Variants in STRIP2 observed in about 807,000 individuals in gnomAD.
STRIP2 encodes the protein striatin interacting protein 2, also known as striatin-interacting protein 2.
Under a neutral mutation model 107.1 loss-of-function variants are expected in STRIP2, and 84 were observed. The ratio of observed to expected loss-of-function variants is 0.78; its 90% CI spans 0.66 to 0.94. The LOEUF is 0.94. Among genes scored for constraint, STRIP2 ranks in the 40% least tolerant of loss-of-function variants. STRIP2 has a pLI of 0.00. For synonymous variants in STRIP2, 394 were observed against 400.4 expected (o/e 0.98, Z 0.19); for missense variants, 888 against 1,034.2 (o/e 0.86, Z 1.94).
rs1353159384 is a variant in STRIP2 at position 129,458,167 on chromosome 7, C to T, written c.1039-48C>T. 11 of 1,478,410 alleles carry T rather than the reference C, an allele frequency of 7.4e-6. No homozygotes were observed. Among genetic ancestry groups the T allele is most frequent in the African/African-American group, 1.4e-5 (1 of 72,260 alleles). The allele number at this position is 1,478,410 out of a possible 1,614,324, so 91.6% of individuals were successfully genotyped here. A position where few individuals can be genotyped will look rare whatever the true frequency, so the allele number is the denominator to read the frequency against. On this transcript the variant is annotated intron_variant, in intron 9 of 20. Coordinates refer to ENST00000249344, the MANE Select transcript of STRIP2 (RefSeq NM_020704.3). The surrounding 1 kb of genome is among the most constrained non-coding windows in gnomAD (Gnocchi z 4.6). ...TATGGGGTGGCCTCAGACAAGGATG[C>T]CCAGAGTGAGATCTCTGCATGCCTA...
intron 9 of STRIP2, among the ~76,000 whole-genome samples, chr7:129,457,262 A>G (rs1003813850): frequency 1.3e-5 from 2 of 152,250 alleles, no homozygotes; most frequent in Non-Finnish European, 2.9e-5. Context: ...ACACCTAGGC[A>G]TATAGCCTAT....
intron 18 of STRIP2, among the ~76,000 whole-genome samples, chr7:129,476,971 G>A (rs958128110): frequency 2.6e-5 from 4 of 151,402 alleles, no homozygotes; most frequent in Non-Finnish European, 4.4e-5. Flanking sequence ...TTAGGAGCTG[G>A]AGACCAGCCC....
Position 129,467,349 on chromosome 7 carries a change from G to T in STRIP2, c.1777-1G>T. ...CCTTTCTGCTTTGATTTTTAATTCA[G>T]TTTGAATATGTATCGCAACATTTGG... On this transcript the variant is annotated splice_acceptor_variant, in intron 16 of 20. Coordinates refer to ENST00000249344, the MANE Select transcript of STRIP2 (RefSeq NM_020704.3). LOFTEE classifies it high-confidence loss of function. The T allele has an allele frequency of 6.2e-7, 1 of 1,611,072 alleles. No homozygotes were observed. The highest frequency in any genetic ancestry group is 8.5e-7 in the Non-Finnish European group (1 of 1,177,722).
chr7:129,463,287 C>A (rs1432605030), intron 14 of STRIP2, among the ~76,000 whole-genome samples: 2 of 152,122 alleles, frequency 1.3e-5, no homozygotes, highest in Non-Finnish European at 2.9e-5. Context: ...ACACTGGGGA[C>A]CCTCCTCCGA....
rs185354943 is a variant in STRIP2 at position 129,451,370 on chromosome 7, G to A, written c.275-243G>A. ...TCCTTGAGGAAAGGCAGAAAGACAG[G>A]ACAGTATGGGCTGTGTGTGGAGGAC... On this transcript the variant is annotated intron_variant, in intron 3 of 20. Transcript: ENST00000249344. Among the ~76,000 whole-genome samples the A allele has an allele frequency of 6.9e-4, 105 of 152,334 alleles. 1 individual carries two copies. Among genetic ancestry groups the A allele is most frequent in the African/African-American group, 2.5e-3 (102 of 41,582 alleles).
chr7:129,481,025 A>G, intron 19 of STRIP2, 136 bp downstream of exon 19: 6 of 622,034 alleles, frequency 9.6e-6, no homozygotes, highest in African/African-American at 1.9e-5. Context: ...TTAGCACCTC[A>G]TAATTCTGGG....
intron 5 of STRIP2, among the ~76,000 whole-genome samples, chr7:129,453,783 A>G (rs910510490): frequency 6.6e-6 from 1 of 152,212 alleles, no homozygotes; most frequent in Non-Finnish European, 1.5e-5. Flanking sequence ...TGCTACCACT[A>G]CAGTGACCCC....
intron 1 of STRIP2, among the ~76,000 whole-genome samples, chr7:129,437,576 T>C (rs1797776442): frequency 6.6e-6 from 1 of 152,176 alleles, no homozygotes; most frequent in African/African-American, 2.4e-5. Context: ...GTATCATTTT[T>C]CCAAAAAGTT....
At chr7:129,475,005 T>G (rs1443885863) in intron 18 of STRIP2, among the ~76,000 whole-genome samples, 1 of 152,206 alleles carries the variant, frequency 6.6e-6, no homozygotes, top group Non-Finnish European at 1.5e-5. Flanking sequence ...CTAAGTAGTT[T>G]CCCCTCCCAC....
In STRIP2 at chr7:129,480,804, A is replaced by G; in HGVS notation, c.1964A>G (p.Gln655Arg). 6.2e-7 allele frequency: 1 copy of G among 1,613,876 alleles called. No individual in the cohort carries two copies. The highest frequency in any genetic ancestry group is 8.5e-7 in the Non-Finnish European group (1 of 1,179,904). The stretch of plus-strand genomic sequence containing the variant: ...CTATAGGAAGCTGGAGACAACAGCC[A>G]GTTCTGCTGGAGGAACCTCTTTTCC... Reference protein sequence around the residue: ...TESLEAGDNSQFCWRNLFSCI... With the variant: ...TESLEAGDNSRFCWRNLFSCI... Residue 655 changes from glutamine to arginine, a missense_variant, in exon 19 of 21, where the codon CAG becomes CGG. By Grantham distance (43) the Gln-to-Arg change is conservative. Transcript: ENST00000249344.
In STRIP2 at chr7:129,455,226, C is replaced by G. The variant is rs1798310335; in HGVS notation, c.707-18C>G. 1.9e-6 allele frequency: 3 copies of G among 1,600,736 alleles called. No homozygotes were observed. Among genetic ancestry groups the G allele is most frequent in the Non-Finnish European group, 2.6e-6 (3 of 1,175,140 alleles). On this transcript the variant is annotated intron_variant, in intron 7 of 20. Transcript: ENST00000249344. ...GCCTCATCCTCACTTTCTCACTCCC[C>G]TCTCTCCTCACCCCTAGGCTTCTCC... is the stretch of plus-strand genomic sequence containing the variant.
chr7:129,465,981 C>T (rs1028139930), intron 16 of STRIP2, among the ~76,000 whole-genome samples: 2 of 152,210 alleles, frequency 1.3e-5, no homozygotes, highest in Non-Finnish European at 2.9e-5. Flanking sequence ...TTCATACATT[C>T]GAAGACATCT....
At chr7:129,456,136 A>C in intron 8 of STRIP2, among the ~76,000 whole-genome samples, 1 of 124,104 alleles carries the variant, frequency 8.1e-6, no homozygotes, top group Admixed American at 8.8e-5. Context: ...AAAAGTCGAT[A>C]GTTTCTTTTT....
chr7:129,481,578 T>C (rs1285934372), intron 19 of STRIP2, among the ~76,000 whole-genome samples: 1 of 151,892 alleles, frequency 6.6e-6, no homozygotes, highest in Admixed American at 6.6e-5. Flanking sequence ...GTTAAATAAA[T>C]GATGGTATGT....
intron 18 of STRIP2, among the ~76,000 whole-genome samples, chr7:129,477,403 A>G (rs1459140271): frequency 1.3e-5 from 2 of 152,314 alleles, no homozygotes; most frequent in East Asian, 1.9e-4. Context: ...CAAAGGAAGG[A>G]CCATGGATAA....
Position 129,487,913 on chromosome 7 carries a change from A to G in STRIP2, c.*2084A>G, listed in dbSNP as rs1372227218. The G allele has an allele frequency of 6.6e-6, 1 of 152,180 alleles. No homozygotes were observed. Among genetic ancestry groups the G allele is most frequent in the East Asian group, 1.9e-4 (1 of 5,202 alleles). 9.4% of individuals were successfully genotyped at this position (152,180 alleles called of 1,614,324 possible). ...CTTTAACATTTTGTATTTATTTACA[A>G]CCCTTTTCTAAGGGAAGGTTACTTC... On this transcript the variant is annotated 3_prime_UTR_variant, in exon 21 of 21. Transcript: ENST00000249344.
intron 20 of STRIP2, 145 bp from the exon 21 acceptor site, chr7:129,485,434 A>G: frequency 1.1e-6 from 1 of 874,680 alleles, no homozygotes; most frequent in Non-Finnish European, 1.7e-6. Flanking sequence ...GCTGTATACT[A>G]ACTTCATACA....
intron 18 of STRIP2, among the ~76,000 whole-genome samples, chr7:129,478,963 T>C (rs1221695711): frequency 6.6e-6 from 1 of 152,130 alleles, no homozygotes; most frequent in African/African-American, 2.4e-5. Context: ...TGTTTTGTGT[T>C]TCCCTTGCGT....
chr7:129,441,110 T>C (rs1442742003), intron 2 of STRIP2, among the ~76,000 whole-genome samples: 1 of 151,998 alleles, frequency 6.6e-6, no homozygotes, highest in South Asian at 2.1e-4. Flanking sequence ...AAAAGCCAAA[T>C]GGTCAATAAA....
Sources: allele counts gnomAD v4.1 joint callset (sites outside exome capture counted in the v4.1 genomes callset), GRCh38; gene constraint gnomAD v4.1.1; non-coding constraint Gnocchi (gnomAD v3.1); transcripts MANE v1.5; gene names NCBI Gene and HGNC (gene_info 2026-07-23, HGNC 2026-07-21).